EPG5: variants seen among roughly 807,000 people sequenced by gnomAD.
EPG5 encodes the protein ectopic P granules protein 5 homolog.
EPG5 carries 159 observed loss-of-function variants against 302.7 expected under a neutral mutation model. The ratio of observed to expected loss-of-function variants is 0.53; its 90% CI spans 0.46 to 0.60. EPG5 has a LOEUF of 0.60. Among genes scored for constraint, EPG5 ranks in the 20% least tolerant of loss-of-function variants. The pLI is 0.00. For synonymous variants in EPG5, 1,158 were observed against 1,136.8 expected, an observed-to-expected ratio of 1.02 and a Z score of -0.37; for missense variants, 2,896 against 3,092.4, an observed-to-expected ratio of 0.94 and a Z score of 1.51.
chr18:45,870,656 A>G lies in EPG5; in HGVS notation c.6136T>C (p.Phe2046Leu). 6.2e-7 allele frequency: 1 copy of G among 1,613,910 alleles called. No individual in the cohort carries two copies. The change falls in exon 36 of 44, where the codon TTC (phenylalanine) becomes CTC (leucine). Residue 2046 changes from phenylalanine to leucine, a missense_variant. Physicochemically the swap from Phe to Leu is conservative, Grantham distance 22. Around this residue, in one of 5 missense-constraint regions of EPG5, gnomAD observed 620 missense variants for 704.2 expected, o/e 0.88. Coordinates refer to ENST00000282041, the MANE Select transcript of EPG5 (RefSeq NM_020964.3). ...EACTAPKMPE[F>L]ILYAFHSTYR... ...GTGCTATGGAAAGCGTACAGAATGA[A>G]CTCTGGCATTTTGGGTGCTGTACAT...
chr18:45,827,405 C>T, the EPG5 span, among the ~76,000 whole-genome samples: 2 of 152,172 alleles, frequency 1.3e-5, no homozygotes, highest in Non-Finnish European at 2.9e-5. Flanking sequence ...AGGGAAGGAG[C>T]TATCTTTTCC....
Position 45,938,335 on chromosome 18 carries a change from G to A in EPG5, c.2099+1265C>T, listed in dbSNP as rs182065399. On this transcript the variant is annotated intron_variant, in intron 10 of 43. Coordinates refer to ENST00000282041, the MANE Select transcript of EPG5 (RefSeq NM_020964.3). ...AAATTAGCCGGGCATGATGGCAAGC[G>A]CCTGTAATCCCAGCTACTTGGAAGG... Among the ~76,000 whole-genome samples the A allele has an allele frequency of 1.1e-4, 16 of 151,976 alleles. No individual in the cohort carries two copies. The South Asian group carries it at 1.2e-3, about 12-fold the overall frequency.
intron 30 of EPG5, among the ~76,000 whole-genome samples, 173 bp from the exon 31 acceptor site, chr18:45,882,660 T>A (rs1228834154): frequency 6.6e-6 from 1 of 151,936 alleles, no homozygotes; most frequent in Non-Finnish European, 1.5e-5. Flanking sequence ...GGAAGCTAAT[T>A]GTAAAATAAA....
chr18:45,883,103 C>T (rs2049135987), intron 30 of EPG5, among the ~76,000 whole-genome samples: 9 of 150,488 alleles, frequency 6.0e-5, no homozygotes, highest in Admixed American at 6.0e-4. Flanking sequence ...GCAGAGTTTT[C>T]TAAGCTCTGT....
At chr18:45,855,356 T>A (rs559813765) in intron 43 of EPG5, 133 of 470,508 alleles carry the variant, frequency 2.8e-4, no homozygotes, top group African/African-American at 2.1e-3. Context: ...GCCTTACTTT[T>A]CTACAATGAC....
At chr18:45,916,910 A>G (rs1332866585) in intron 17 of EPG5, 3 of 171,734 alleles carry the variant, frequency 1.7e-5, no homozygotes, top group African/African-American at 7.1e-5. Flanking sequence ...TTTCCAAACC[A>G]TTCAGTTTCC....
At chr18:45,927,827 C>A (rs916689513) in intron 13 of EPG5, among the ~76,000 whole-genome samples, 2 of 152,034 alleles carry the variant, frequency 1.3e-5, no homozygotes, top group Non-Finnish European at 2.9e-5. Context: ...GGGCTTAGGG[C>A]CCTAATCTAT....
the EPG5 span, among the ~76,000 whole-genome samples, chr18:45,822,101 C>T: frequency 3.3e-5 from 5 of 152,168 alleles, no homozygotes; most frequent in African/African-American, 1.2e-4. Flanking sequence ...TCTTCATTCC[C>T]ATGTTTCTGG....
In EPG5 at chr18:45,930,875, T is replaced by G. The variant is rs1301183453; in HGVS notation, c.2258-45A>C. ...AAATTAGAGTGGGGAAAGAATAAAT[T>G]TATATCTTTTAATCACTCTTCCAGA... On this transcript the variant is annotated intron_variant, in intron 11 of 43. Transcript: ENST00000282041. The G allele has an allele frequency of 3.3e-6, 5 of 1,497,572 alleles. No homozygotes were observed. In the East Asian group the frequency reaches 9.6e-5, roughly 29 times the overall value. 92.8% of individuals were successfully genotyped at this position (1,497,572 alleles called of 1,614,324 possible).
intron 26 of EPG5, among the ~76,000 whole-genome samples, chr18:45,900,559 C>A (rs779065791): frequency 2.6e-5 from 4 of 152,128 alleles, no homozygotes; most frequent in Non-Finnish European, 4.4e-5. Context: ...TTGTATCCAC[C>A]TTGTGAACTC....
chr18:45,943,010 C>A, intron 9 of EPG5, 151 bp downstream of exon 9: 1 of 680,806 alleles, frequency 1.5e-6, no homozygotes. Flanking sequence ...ATGAAATTCC[C>A]ATCTTATAGA....
rs12456289 is a variant in EPG5 at position 45,865,377 on chromosome 18, C to T, written c.6766+238G>A. ...CTCACTGAAAGGTCTCTGATATCTCCTAATCATTAGATCCCATTGTCCAGC... is the reference window on the plus strand; with the variant it reads ...CTCACTGAAAGGTCTCTGATATCTCTTAATCATTAGATCCCATTGTCCAGC... On this transcript the variant is annotated intron_variant, in intron 39 of 43. Coordinates refer to ENST00000282041, the MANE Select transcript of EPG5 (RefSeq NM_020964.3). 0.14 allele frequency among the ~76,000 whole-genome samples: 21,421 copies of T among 152,054 alleles called. 2,007 individuals are homozygous for T. Among genetic ancestry groups the T allele is most frequent in the East Asian group, 0.34 (1,728 of 5,150 alleles).
At chr18:45,828,132 C>G in the EPG5 span, among the ~76,000 whole-genome samples, 1 of 152,152 alleles carries the variant, frequency 6.6e-6, no homozygotes, top group Non-Finnish European at 1.5e-5. Flanking sequence ...GCAGGAGGCC[C>G]GAGGAGCAGG....
intron 42 of EPG5, among the ~76,000 whole-genome samples, chr18:45,856,724 A>G (rs2048522800): frequency 6.6e-6 from 1 of 152,238 alleles, no homozygotes; most frequent in African/African-American, 2.4e-5. Flanking sequence ...CTATTCCACA[A>G]GAATGCTGAC....
At chr18:45,830,687 G>A in the EPG5 span, among the ~76,000 whole-genome samples, 7 of 139,326 alleles carry the variant, frequency 5.0e-5, no homozygotes, top group East Asian at 1.4e-3. Context: ...CCAGGTTCAA[G>A]CGAGTCTCCT....
At chr18:45,937,110 C>T (rs2145861920) in intron 10 of EPG5, among the ~76,000 whole-genome samples, 2 of 151,802 alleles carry the variant, frequency 1.3e-5, no homozygotes, top group East Asian at 3.9e-4. Flanking sequence ...CTGTTTTATA[C>T]CCCAAAACAA....
At chr18:45,943,447 C>T in intron 8 of EPG5, 136 bp from the exon 9 acceptor site, 1 of 693,278 alleles carries the variant, frequency 1.4e-6, no homozygotes, top group South Asian at 2.0e-5. Flanking sequence ...CTCTGGCTCC[C>T]ATATCAACAT....
chr18:45,867,339 G>C (rs1261546503), intron 37 of EPG5, among the ~76,000 whole-genome samples: 1 of 152,152 alleles, frequency 6.6e-6, no homozygotes, highest in South Asian at 2.1e-4. Flanking sequence ...ACAAAATAAA[G>C]TTGATTAATA....
chr18:45,943,790 G>A (rs544007704), intron 8 of EPG5, among the ~76,000 whole-genome samples: 49 of 152,068 alleles, frequency 3.2e-4, no homozygotes, highest in Admixed American at 5.2e-4. Flanking sequence ...GCGTGGTGGC[G>A]GGCGCCTGTA....
Sources: gnomAD v4.1 joint callset for allele counts (sites outside exome capture counted in the v4.1 genomes callset) on GRCh38, gnomAD v4.1.1 for gene constraint, gnomAD v4.1.1 regional missense constraint, MANE v1.5 for transcripts, NCBI Gene and HGNC (gene_info 2026-07-23, HGNC 2026-07-21) for gene names.